Variants in SCTR observed in about 807,000 individuals in gnomAD.
The protein encoded by SCTR is secretin receptor.
A neutral mutation model predicts 60.8 loss-of-function variants in SCTR; 56 were observed. The ratio of observed to expected loss-of-function variants is 0.92; its 90% confidence interval spans 0.74 to 1.15. The LOEUF is 1.15. SCTR is among the 50% of genes most tolerant of loss of function. The pLI, the probability that SCTR is intolerant of heterozygous loss-of-function variation, is 0.00. For missense variants in SCTR, 562 were observed against 550.4 expected, an observed-to-expected ratio of 1.02 and a Z score of -0.21; for synonymous variants, 202 against 217.0, an observed-to-expected ratio of 0.93 and a Z score of 0.61.
At chr2:119,508,820 G>A (rs2104935923) in intron 1 of SCTR, among the ~76,000 whole-genome samples, 1 of 152,298 alleles carries the variant, frequency 6.6e-6, no homozygotes, top group South Asian at 2.1e-4. Flanking sequence ...ACTTTTGTGT[G>A]TGCGGTGAAA....
intron 1 of SCTR, among the ~76,000 whole-genome samples, chr2:119,513,843 T>G (rs1287062200): frequency 1.3e-5 from 2 of 152,194 alleles, no homozygotes; most frequent in Non-Finnish European, 2.9e-5. Context: ...TTTTCTAGGG[T>G]CTTTTGCAGA....
chr2:119,519,938 G>C (rs1679239595), intron 1 of SCTR, among the ~76,000 whole-genome samples: 1 of 151,850 alleles, frequency 6.6e-6, no homozygotes, highest in Admixed American at 6.6e-5. Flanking sequence ...TAAGCAAATG[G>C]CTTCACATCT....
rs976211584 is a variant in SCTR, at chr2:119,478,876, G to A, written c.236C>T (p.Ser79Phe). The A allele has an allele frequency of 6.2e-7, 1 of 1,614,064 alleles. No homozygotes were observed. The highest frequency in any genetic ancestry group is 1.3e-5 in the African/African-American group (1 of 74,930). Reference protein sequence around the residue: ...MWDNISCWPSSVPGRMVEVEC... With the variant: ...MWDNISCWPSFVPGRMVEVEC... ...CACCTCCACCATCCGGCCCGGCACA[G>A]AAGAGGGCCAGCAGCTTATGTTGTC... Residue 79 changes from serine to phenylalanine, a missense_variant, in exon 3 of 13, where the codon TCT becomes TTT. Physicochemically the swap from Ser to Phe is radical, Grantham distance 155 (BLOSUM62 -2). Transcript: ENST00000019103.
chr2:119,522,413 T>C (rs1055088008), intron 1 of SCTR, among the ~76,000 whole-genome samples: 2 of 152,054 alleles, frequency 1.3e-5, no homozygotes, highest in African/African-American at 2.4e-5. Context: ...AAGTGGGGTA[T>C]GTGGGGCGAG....
At chr2:119,467,558 T>C (rs1683890070) in intron 4 of SCTR, among the ~76,000 whole-genome samples, 1 of 152,170 alleles carries the variant, frequency 6.6e-6, no homozygotes, top group Non-Finnish European at 1.5e-5. Context: ...TTCTGGAAGG[T>C]AATATAGAAA....
intron 1 of SCTR, among the ~76,000 whole-genome samples, chr2:119,500,803 T>C (rs1678518592): frequency 6.6e-6 from 1 of 152,124 alleles, no homozygotes; most frequent in South Asian, 2.1e-4. Flanking sequence ...TATGACTTAG[T>C]GTTTGATAGA....
chr2:119,441,750 C>T, intron 11 of SCTR, 151 bp from the exon 12 acceptor site: 3 of 691,196 alleles, frequency 4.3e-6, no homozygotes, highest in Non-Finnish European at 5.1e-6. Context: ...TAGGCTACCT[C>T]TTGTGGGCTG....
chr2:119,464,280 TAGAGGCCAGAG>T, intron 5 of SCTR, 25 bp from the exon 6 acceptor site: 1 of 1,613,834 alleles, frequency 6.2e-7, no homozygotes, highest in Non-Finnish European at 8.5e-7. Context: ...TGTAGGGACA[TAGAGGCCAGAG>T]CCTGAGGGGC....
At chr2:119,451,750 A>T (rs888974927) in intron 9 of SCTR, among the ~76,000 whole-genome samples, 2 of 152,236 alleles carry the variant, frequency 1.3e-5, no homozygotes, top group African/African-American at 4.8e-5. Context: ...AGCTCTGCTC[A>T]CCACACTTGA....
At chr2:119,493,106 C>T (rs996929217) in intron 2 of SCTR, among the ~76,000 whole-genome samples, 3 of 152,176 alleles carry the variant, frequency 2.0e-5, no homozygotes, top group Admixed American at 6.5e-5. Context: ...ATCTGTGCAC[C>T]TTGGCCTCCC....
At chr2:119,511,053 A>T (rs184152858) in intron 1 of SCTR, among the ~76,000 whole-genome samples, 2 of 152,006 alleles carry the variant, frequency 1.3e-5, no homozygotes, top group Admixed American at 1.3e-4. Flanking sequence ...AAAAAAAAAA[A>T]TTAGCCAGGC....
chr2:119,474,166 G>A (rs1677159955), intron 3 of SCTR, among the ~76,000 whole-genome samples: 1 of 152,158 alleles, frequency 6.6e-6, no homozygotes, highest in East Asian at 1.9e-4. Flanking sequence ...CCCACCCCTG[G>A]CACGAGGACG....
rs141616317 is a variant in SCTR, at chr2:119,465,814, C to T, written c.478G>A (p.Ala160Thr). The change falls in exon 5 of 13, where the codon GCC (alanine) becomes ACC (threonine). Residue 160 changes from alanine to threonine, a missense_variant. Physicochemically the swap from Ala to Thr is moderately conservative, Grantham distance 58. Coordinates refer to ENST00000019103, the MANE Select transcript of SCTR (RefSeq NM_002980.3). ...CGGAAAGCACAGAGGATGCCAAGGG[C>T]GACCAGGAGCATGACCAGGGAGGAG... ...YSSSLVMLLV[A>T]LGILCAFRRL... 3.8e-5 allele frequency: 62 copies of T among 1,613,726 alleles called. No homozygotes were observed. In the East Asian group the frequency reaches 1.2e-3, roughly 32 times the overall value.
intron 2 of SCTR, chr2:119,484,808 G>A (rs1677793781): frequency 6.6e-6 from 1 of 152,272 alleles, no homozygotes; most frequent in African/African-American, 2.4e-5. Context: ...GATAATCAAA[G>A]CACTTGGGAG....
intron 2 of SCTR, among the ~76,000 whole-genome samples, chr2:119,493,241 T>C (rs151276207): frequency 1.0e-3 from 152 of 152,354 alleles, no homozygotes; most frequent in African/African-American, 3.3e-3. Context: ...TATCATCACT[T>C]CTTTCTTTTA....
intron 11 of SCTR, 87 bp from the exon 12 acceptor site, chr2:119,441,686 T>C: frequency 1.8e-6 from 2 of 1,126,878 alleles, no homozygotes; most frequent in South Asian, 1.3e-5. Context: ...TCCCCAGGTC[T>C]CTTAATCACC....
chr2:119,489,688 T>C (rs953498886), intron 2 of SCTR, among the ~76,000 whole-genome samples: 1 of 152,018 alleles, frequency 6.6e-6, no homozygotes, highest in African/African-American at 2.4e-5. Flanking sequence ...GAGAATGGTG[T>C]TGTAGCAGAG....
At chr2:119,511,735 T>C (rs1678954114) in intron 1 of SCTR, among the ~76,000 whole-genome samples, 1 of 152,216 alleles carries the variant, frequency 6.6e-6, no homozygotes, top group African/African-American at 2.4e-5. Flanking sequence ...GGCTTTTTCC[T>C]TGGTTTGCTC....
chr2:119,441,860 G>A (rs1009658483), intron 11 of SCTR, among the ~76,000 whole-genome samples: 2 of 152,132 alleles, frequency 1.3e-5, no homozygotes, highest in South Asian at 2.1e-4. Context: ...TGTCAGGGGG[G>A]CTGCTAACCC....
Sources: gnomAD v4.1 joint callset for allele counts (sites outside exome capture counted in the v4.1 genomes callset) on GRCh38, gnomAD v4.1.1 for gene constraint, MANE v1.5 for transcripts, NCBI Gene and HGNC (gene_info 2026-07-23, HGNC 2026-07-21) for gene names.